Variants in PLEKHH2 observed in about 807,000 individuals in gnomAD.
PLEKHH2 encodes pleckstrin homology, MyTH4 and FERM domain containing H2.
In PLEKHH2, 129 loss-of-function variants were observed where a neutral mutation model predicts 187.9. The ratio of observed to expected loss-of-function variants is 0.69; its 90% CI spans 0.59 to 0.79. The LOEUF (loss-of-function observed/expected upper bound fraction) is 0.79. Among genes scored for constraint, PLEKHH2 ranks in the 30% least tolerant of loss-of-function variants. The pLI, the probability that PLEKHH2 is intolerant of heterozygous loss-of-function variation, is 0.00. For synonymous variants in PLEKHH2, 686 were observed against 605.6 expected (o/e 1.13, Z -1.95); for missense variants, 2,076 against 1,751.2 (o/e 1.19, Z -3.31).
chr2:43,705,413 G>A (rs911310701), intron 9 of PLEKHH2, among the ~76,000 whole-genome samples: 1 of 151,602 alleles, frequency 6.6e-6, no homozygotes, highest in Non-Finnish European at 1.5e-5. Flanking sequence ...ATACCACCAT[G>A]CCTTGATACT....
intron 20 of PLEKHH2, among the ~76,000 whole-genome samples, chr2:43,740,391 T>C (rs1477010291): frequency 6.6e-6 from 1 of 152,212 alleles, no homozygotes; most frequent in Non-Finnish European, 1.5e-5. Context: ...ACATGTTTTA[T>C]ACTTCCTTGA....
Position 43,728,577 on chromosome 2 carries a change from T to G in PLEKHH2, c.2722-1060T>G, listed in dbSNP as rs371564553. On this transcript the variant is annotated intron_variant, in intron 17 of 29. Coordinates refer to ENST00000282406, the MANE Select transcript of PLEKHH2 (RefSeq NM_172069.4). The stretch of plus-strand genomic sequence containing the variant: ...ACACAATACTCTTTTTTTTTTTTTT[T>G]TTAAAACAGAGTTTCACTCTGTTGC... Among the ~76,000 whole-genome samples the G allele has an allele frequency of 2.9e-4, 15 of 51,654 alleles. No individual in the cohort carries two copies. In the South Asian group the frequency reaches 0.01, roughly 36 times the overall value. The allele number at this position is 51,654 out of a possible 152,430, so 33.9% of individuals were successfully genotyped here.
Position 43,744,142 on chromosome 2 carries a change from C to T in PLEKHH2, c.3555+153C>T, listed in dbSNP as rs575558891. 1.0e-5 allele frequency: 14 copies of T among 1,391,922 alleles called. No individual in the cohort carries two copies. In the Admixed American group the frequency reaches 3.7e-4, roughly 37 times the overall value. The allele number at this position is 1,391,922 out of a possible 1,614,324, so 86.2% of individuals were successfully genotyped here. ...ACGATAAGAAAAAAAAAATGCAGGA[C>T]TTTGTTAAACCCATAGAATTCTTAA... On this transcript the variant is annotated intron_variant, in intron 23 of 29. Transcript: ENST00000282406.
At chr2:43,688,438 A>T (rs1171066210) in intron 3 of PLEKHH2, among the ~76,000 whole-genome samples, 1 of 152,234 alleles carries the variant, frequency 6.6e-6, no homozygotes, top group African/African-American at 2.4e-5. Context: ...TAGAAATAGA[A>T]ACTTGCAACC....
At chr2:43,732,552 A>G (rs761644350) in intron 19 of PLEKHH2, among the ~76,000 whole-genome samples, 2 of 152,124 alleles carry the variant, frequency 1.3e-5, no homozygotes, top group Non-Finnish European at 2.9e-5. Context: ...TGACTTCACC[A>G]TTCCTCACAA....
chr2:43,678,724 GGGTAGAGGTGGAAGTGGA>G, intron 2 of PLEKHH2, 121 bp from the exon 3 acceptor site: 4 of 456,596 alleles, frequency 8.8e-6, no homozygotes, highest in Non-Finnish European at 1.7e-5. Flanking sequence ...GGGAGACCGT[GGGTAGAGGTGGAAGTGGA>G]GGTGGAGGTG....
chr2:43,713,678 A>G (rs1670077572), intron 15 of PLEKHH2, among the ~76,000 whole-genome samples: 1 of 148,388 alleles, frequency 6.7e-6, no homozygotes, highest in Admixed American at 6.7e-5. Flanking sequence ...TTTTTTTACA[A>G]TGAGTAAGTA....
chr2:43,670,679 A>G (rs575464955), intron 2 of PLEKHH2, among the ~76,000 whole-genome samples: 16 of 151,910 alleles, frequency 1.1e-4, no homozygotes, highest in African/African-American at 3.6e-4. Context: ...TTTCTATACA[A>G]ATTTCAGATT....
intron 2 of PLEKHH2, among the ~76,000 whole-genome samples, chr2:43,677,743 C>T (rs2104420928): frequency 6.6e-6 from 1 of 151,682 alleles, no homozygotes; most frequent in East Asian, 1.9e-4. Context: ...GGTGGCCGGG[C>T]AGAGGGGCTC....
At chr2:43,712,195 C>G in intron 14 of PLEKHH2, 30 bp from the exon 15 acceptor site, 1 of 1,600,580 alleles carries the variant, frequency 6.2e-7, no homozygotes, top group Non-Finnish European at 8.6e-7. Context: ...TCACAGTTTT[C>G]TTTCCTATAC....
At chr2:43,675,557 A>G in intron 2 of PLEKHH2, 1 of 1,613,906 alleles carries the variant, frequency 6.2e-7, no homozygotes, top group Non-Finnish European at 8.5e-7. Context: ...TTATTAGACA[A>G]TGCCTCTTCA....
chr2:43,644,809 C>T lies in PLEKHH2; in HGVS notation c.123+13C>T, dbSNP rs2104327626. On this transcript the variant is annotated intron_variant, in intron 2 of 29. Transcript: ENST00000282406. Reference sequence around the variant, plus strand: ...TTTAGCAGAGAAGGTAAGCTTTCTCCCTAAGCTTTGTTATTAAATGTCAGC... The same window carrying T: ...TTTAGCAGAGAAGGTAAGCTTTCTCTCTAAGCTTTGTTATTAAATGTCAGC... The T allele has an allele frequency of 6.3e-7, 1 of 1,592,932 alleles. No homozygotes were observed. The highest frequency in any genetic ancestry group is 1.2e-5 in the South Asian group (1 of 86,908).
intron 25 of PLEKHH2, 69 bp downstream of exon 25, chr2:43,753,829 G>T: frequency 8.1e-7 from 1 of 1,240,504 alleles, no homozygotes; most frequent in Middle Eastern, 2.4e-4. Context: ...TGAATTAAAC[G>T]TAAAATAATA....
intron 27 of PLEKHH2, 36 bp from the exon 28 acceptor site, chr2:43,762,268 G>C (rs1211719546): frequency 6.9e-7 from 1 of 1,459,582 alleles, no homozygotes; most frequent in Admixed American, 1.7e-5. Flanking sequence ...ATTTTGCTTA[G>C]TATTTATAAT....
intron 9 of PLEKHH2, among the ~76,000 whole-genome samples, chr2:43,705,251 C>CTTT (rs5830767): frequency 0.017 from 1,656 of 95,784 alleles, 121 homozygotes; most frequent in African/African-American, 0.064. Flanking sequence ...AAATTTTATC[C>CTTT]TTTTTTTTTT....
chr2:43,696,401 T>C (rs981906341), intron 6 of PLEKHH2, among the ~76,000 whole-genome samples: 1 of 150,416 alleles, frequency 6.6e-6, no homozygotes, highest in Non-Finnish European at 1.5e-5. Flanking sequence ...GGTGGGAGGA[T>C]CACTTGAGCC....
At chr2:43,657,332 C>A (rs1446079420) in intron 2 of PLEKHH2, among the ~76,000 whole-genome samples, 1 of 152,174 alleles carries the variant, frequency 6.6e-6, no homozygotes, top group East Asian at 1.9e-4. Flanking sequence ...GTGCACGCCG[C>A]CACACCTTGA....
chr2:43,642,041 A>T (rs1665963361), intron 1 of PLEKHH2, among the ~76,000 whole-genome samples: 2 of 152,216 alleles, frequency 1.3e-5, no homozygotes, highest in Non-Finnish European at 2.9e-5. Context: ...TAGAGATTGC[A>T]TTGTGTGTAT....
At chr2:43,720,823 C>G (rs1572617290) in intron 16 of PLEKHH2, 74 bp downstream of exon 16, 6 of 1,509,934 alleles carry the variant, frequency 4.0e-6, no homozygotes, top group Admixed American at 2.4e-5. Flanking sequence ...CCTTTTCTCT[C>G]TTCTCTTACT....
Sources: gnomAD v4.1 joint callset for allele counts (sites outside exome capture counted in the v4.1 genomes callset) on GRCh38, gnomAD v4.1.1 for gene constraint, MANE v1.5 for transcripts, NCBI Gene and HGNC (gene_info 2026-07-23, HGNC 2026-07-21) for gene names.